TYW1: variants seen among roughly 807,000 people sequenced by gnomAD.
TYW1 encodes the protein S-adenosyl-L-methionine-dependent tRNA 4-demethylwyosine synthase TYW1.
TYW1 carries 46 observed loss-of-function variants against 96.2 expected under a neutral mutation model. That is an observed-to-expected ratio of 0.48 (90% confidence interval 0.38 to 0.61). The LOEUF is 0.61. Ranked by LOEUF, TYW1 falls within the 20% of genes least tolerant of loss-of-function variation. TYW1 has a pLI of 0.00. For synonymous variants in TYW1, 274 were observed against 323.0 expected (o/e 0.85, Z 1.63); for missense variants, 684 against 909.6 (o/e 0.75, Z 3.19).
rs896005443 is a variant in TYW1 at position 67,128,636 on chromosome 7, G to A, written c.1698+11018G>A. On this transcript the variant is annotated intron_variant, in intron 13 of 15. Transcript: ENST00000359626. The stretch of plus-strand genomic sequence containing the variant: ...CTCACTAGACCTTTAATAATGTGAT[G>A]GTATGGTGTATGGGGAGGGGAAGCA... Among the ~76,000 whole-genome samples, 20 of 151,718 alleles carry A rather than the reference G, an allele frequency of 1.3e-4. No homozygotes were observed. In the South Asian group the frequency reaches 1.9e-3, roughly 14 times the overall value.
At chr7:67,070,956 C>A (rs2115691298) in intron 10 of TYW1, among the ~76,000 whole-genome samples, 1 of 151,946 alleles carries the variant, frequency 6.6e-6, no homozygotes, top group South Asian at 2.1e-4. Context: ...ACAGTGAAAC[C>A]CTGTCTCTTC....
chr7:67,034,081 A>T (rs559856495), intron 7 of TYW1, among the ~76,000 whole-genome samples: 20 of 145,982 alleles, frequency 1.4e-4, no homozygotes, highest in Non-Finnish European at 2.5e-4. Flanking sequence ...TTGTAGTTTC[A>T]TTTAATTTAT....
chr7:66,997,321 A>T (rs1584442648), intron 1 of TYW1, among the ~76,000 whole-genome samples: 1 of 19,610 alleles, frequency 5.1e-5, no homozygotes, highest in African/African-American at 2.7e-4. Context: ...TATCTCTCTT[A>T]AAAAAAAAAA....
At chr7:67,029,676 A>G (rs951307460) in intron 7 of TYW1, among the ~76,000 whole-genome samples, 1 of 151,918 alleles carries the variant, frequency 6.6e-6, no homozygotes, top group African/African-American at 2.4e-5. Context: ...TGAAAGCACT[A>G]TAGTTAAGAT....
At chr7:67,114,161 C>A (rs1288258217) in intron 12 of TYW1, among the ~76,000 whole-genome samples, 9 of 152,172 alleles carry the variant, frequency 5.9e-5, no homozygotes, top group Non-Finnish European at 1.3e-4. Context: ...TCCTCCTGAG[C>A]TATTTGGCTT....
At chr7:67,192,647 T>G (rs1717489319) in intron 14 of TYW1, among the ~76,000 whole-genome samples, 1 of 152,242 alleles carries the variant, frequency 6.6e-6, no homozygotes, top group African/African-American at 2.4e-5. Flanking sequence ...AATGATGTCT[T>G]GAACCATATC....
chr7:67,089,550 C>T (rs887393542), intron 11 of TYW1: 37 of 637,746 alleles, frequency 5.8e-5, no homozygotes, highest in South Asian at 4.3e-4. Context: ...TGACAAAGAA[C>T]GCCTGCCGTC....
chr7:67,202,961 T>C (rs1584690693), intron 15 of TYW1, among the ~76,000 whole-genome samples: 1 of 152,222 alleles, frequency 6.6e-6, no homozygotes. Context: ...GAAATAGACA[T>C]TGGTACAACC....
At chr7:67,101,507 G>A (rs1797087822) in intron 12 of TYW1, among the ~76,000 whole-genome samples, 1 of 152,106 alleles carries the variant, frequency 6.6e-6, no homozygotes, top group African/African-American at 2.4e-5. Context: ...CACGCAGTCA[G>A]CTTGAAATAT....
chr7:67,171,169 C>A (rs1799502215), intron 13 of TYW1, among the ~76,000 whole-genome samples: 1 of 151,908 alleles, frequency 6.6e-6, no homozygotes, highest in African/African-American at 2.4e-5. Flanking sequence ...AGGTTATCCA[C>A]TTTTTTTGGT....
intron 10 of TYW1, among the ~76,000 whole-genome samples, chr7:67,073,686 A>G (rs554387554): frequency 1.3e-3 from 188 of 146,788 alleles, no homozygotes; most frequent in Non-Finnish European, 2.1e-3. Flanking sequence ...AGGCAGGAGA[A>G]CTGCTTGAAC....
At chr7:67,163,860 G>A (rs1398191646) in intron 13 of TYW1, among the ~76,000 whole-genome samples, 3 of 151,886 alleles carry the variant, frequency 2.0e-5, no homozygotes, top group African/African-American at 4.8e-5. Flanking sequence ...GTAGAGATGG[G>A]GTTTCACCAT....
chr7:67,100,791 G>A (rs1373267147), intron 12 of TYW1, among the ~76,000 whole-genome samples: 1 of 149,994 alleles, frequency 6.7e-6, no homozygotes, highest in East Asian at 2.0e-4. Context: ...GAGAACCTGG[G>A]AGGCGGAGCT....
chr7:66,999,462 C>T (rs1793304811), intron 3 of TYW1, among the ~76,000 whole-genome samples: 1 of 152,184 alleles, frequency 6.6e-6, no homozygotes, highest in Non-Finnish European at 1.5e-5. Context: ...AAGCGATTCT[C>T]CTGCCTCAGC....
intron 10 of TYW1, among the ~76,000 whole-genome samples, chr7:67,074,653 C>A (rs1796147554): frequency 6.6e-6 from 1 of 152,118 alleles, no homozygotes; most frequent in South Asian, 2.1e-4. Flanking sequence ...AGAAAAGGTT[C>A]ATTAAAAATT....
intron 13 of TYW1, among the ~76,000 whole-genome samples, chr7:67,176,826 T>C (rs1003979838): frequency 6.6e-6 from 1 of 152,122 alleles, no homozygotes; most frequent in African/African-American, 2.4e-5. Context: ...GACTGGATAG[T>C]TCTTTTTAGG....
intron 15 of TYW1, among the ~76,000 whole-genome samples, chr7:67,221,547 T>G (rs1365653117): frequency 3.3e-5 from 5 of 152,210 alleles, no homozygotes; most frequent in Admixed American, 6.5e-5. Flanking sequence ...TCATATGCCT[T>G]ACAGCTTTTT....
At chr7:67,055,361 C>T (rs548907016) in intron 8 of TYW1, among the ~76,000 whole-genome samples, 99 of 152,188 alleles carry the variant, frequency 6.5e-4, no homozygotes, top group African/African-American at 2.3e-3. Flanking sequence ...CTTTGGGAGG[C>T]GGAGGTAGAT....
intron 15 of TYW1, among the ~76,000 whole-genome samples, chr7:67,225,060 A>G (rs965865523): frequency 6.6e-5 from 10 of 151,976 alleles, no homozygotes; most frequent in Admixed American, 3.3e-4. Context: ...GCATGGTGGC[A>G]CTTGCCTGTA....
Sources: allele counts gnomAD v4.1 joint callset (sites outside exome capture counted in the v4.1 genomes callset), GRCh38; gene constraint gnomAD v4.1.1; transcripts MANE v1.5; gene names NCBI Gene and HGNC (gene_info 2026-07-23, HGNC 2026-07-21).